TMEM132B: variants seen among roughly 807,000 people sequenced by gnomAD.
TMEM132B encodes the protein transmembrane protein 132B.
Under a neutral mutation model 90.8 loss-of-function variants are expected in TMEM132B, and 18 were observed. The ratio of observed to expected loss-of-function variants is 0.20; its 90% CI spans 0.14 to 0.29. The LOEUF is 0.29. Ranked by LOEUF, TMEM132B falls within the 10% of genes least tolerant of loss-of-function variation. The pLI, the probability that TMEM132B is intolerant of heterozygous loss-of-function variation, is 1.00. For missense variants in TMEM132B, 1,096 were observed against 1,326.8 expected (o/e 0.83, Z 2.70); for synonymous variants, 504 against 523.3 (o/e 0.96, Z 0.50).
At chr12:125,234,850 C>T (rs994023000) in intron 1 of TMEM132B, among the ~76,000 whole-genome samples, 1 of 152,104 alleles carries the variant, frequency 6.6e-6, no homozygotes, top group Non-Finnish European at 1.5e-5. Context: ...ATTCCAGTTG[C>T]TTTATCTTAG....
chr12:125,201,202 G>A (rs1234452298), intron 1 of TMEM132B, among the ~76,000 whole-genome samples: 4 of 152,142 alleles, frequency 2.6e-5, no homozygotes, highest in African/African-American at 7.2e-5. Context: ...GGGGGAGGAG[G>A]TGTCGGCCTT....
At chr12:125,491,011 GC>G (rs1882337023) in intron 3 of TMEM132B, among the ~76,000 whole-genome samples, 1 of 152,166 alleles carries the variant, frequency 6.6e-6, no homozygotes, top group Admixed American at 6.5e-5. Flanking sequence ...ATATGGGTGT[GC>G]CATCTTGGAA....
chr12:125,292,724 A>T (rs996590304), intron 1 of TMEM132B, among the ~76,000 whole-genome samples: 13 of 152,182 alleles, frequency 8.5e-5, no homozygotes, highest in African/African-American at 2.9e-4. Context: ...TGACAATCCA[A>T]ATTTATGTCA....
At chr12:125,337,187 A>G (rs1337206144) in intron 1 of TMEM132B, among the ~76,000 whole-genome samples, 1 of 152,150 alleles carries the variant, frequency 6.6e-6, no homozygotes, top group Non-Finnish European at 1.5e-5. Flanking sequence ...GTGCTATGCC[A>G]TTTGTTTCCA....
intron 1 of TMEM132B, among the ~76,000 whole-genome samples, chr12:125,321,180 T>A (rs1047346293): frequency 1.3e-5 from 2 of 152,244 alleles, no homozygotes; most frequent in Non-Finnish European, 2.9e-5. Flanking sequence ...TAGATTTTTC[T>A]GACTTTGGGG....
chr12:125,527,695 GCCACCCTTCCATCCACCCAT>G (rs1305582063), intron 4 of TMEM132B, among the ~76,000 whole-genome samples: 1 of 59,766 alleles, frequency 1.7e-5, no homozygotes, highest in Admixed American at 1.7e-4. Flanking sequence ...CAACCACCCA[GCCACCCTTCCATCCACCCAT>G]CCACCCTTCC....
chr12:125,532,245 G>T (rs555107746), intron 4 of TMEM132B, among the ~76,000 whole-genome samples: 33 of 152,204 alleles, frequency 2.2e-4, no homozygotes, highest in Non-Finnish European at 4.3e-4. Flanking sequence ...ATGGGTGGTT[G>T]TCAGTCAGAG....
At position 125,431,498 on chromosome 12, in the gene TMEM132B, C is replaced by T. The variant is rs368450815; in HGVS notation, c.1106+15821C>T. Among the ~76,000 whole-genome samples the T allele has an allele frequency of 1.1e-4, 17 of 152,178 alleles. No homozygotes were observed. The East Asian group carries it at 1.4e-3, about 12-fold the overall frequency. ...TGTCAGGAGAGTCTGGGATAAGGAC[C>T]GAGAAATCGTACTGAGCGACGTGCT... On this transcript the variant is annotated intron_variant, in intron 3 of 8. Coordinates refer to ENST00000682704, the MANE Select transcript of TMEM132B (RefSeq NM_001366854.1).
intron 3 of TMEM132B, among the ~76,000 whole-genome samples, chr12:125,473,182 G>C (rs959941333): frequency 1.1e-4 from 16 of 152,052 alleles, no homozygotes. Context: ...TCCCACCTCA[G>C]GGCCTTTGCA....
chr12:125,317,262 A>G (rs898424342), intron 1 of TMEM132B, among the ~76,000 whole-genome samples: 18 of 152,234 alleles, frequency 1.2e-4, no homozygotes, highest in African/African-American at 3.9e-4. Context: ...AAGCGATTGG[A>G]AGCACCTGGC....
chr12:125,405,654 C>T (rs1186804166), intron 2 of TMEM132B, among the ~76,000 whole-genome samples: 1 of 152,184 alleles, frequency 6.6e-6, no homozygotes, highest in African/African-American at 2.4e-5. Flanking sequence ...AGGACCCCTA[C>T]ACTCCATCCT....
At chr12:125,581,438 CTT>C (rs968979061) in intron 4 of TMEM132B, among the ~76,000 whole-genome samples, 13 of 152,162 alleles carry the variant, frequency 8.5e-5, no homozygotes, top group African/African-American at 2.4e-4. Flanking sequence ...AGCTCCTACT[CTT>C]GTCTGATTTT....
At chr12:125,527,488 C>T (rs1471399226) in intron 4 of TMEM132B, among the ~76,000 whole-genome samples, 1 of 144,768 alleles carries the variant, frequency 6.9e-6, no homozygotes, top group Non-Finnish European at 1.5e-5. Context: ...ATCCACCCTT[C>T]CAACCACCCA....
At chr12:125,622,223 G>C (rs1284757319) in intron 5 of TMEM132B, among the ~76,000 whole-genome samples, 1 of 152,140 alleles carries the variant, frequency 6.6e-6, no homozygotes, top group Non-Finnish European at 1.5e-5. Flanking sequence ...GGCCAATTGT[G>C]CTGAAAAATA....
intron 5 of TMEM132B, among the ~76,000 whole-genome samples, chr12:125,632,823 A>G (rs562074076): frequency 1.4e-4 from 22 of 151,862 alleles, no homozygotes; most frequent in Admixed American, 1.4e-3. Context: ...TTTAGGATCT[A>G]TTCTTTATCT....
intron 1 of TMEM132B, among the ~76,000 whole-genome samples, chr12:125,283,227 T>G (rs573739770): frequency 6.6e-6 from 1 of 152,330 alleles, no homozygotes; most frequent in South Asian, 2.1e-4. Flanking sequence ...TGCTTTGTGG[T>G]TCTGGATTCG....
At chr12:125,427,276 A>C (rs1287261793) in intron 3 of TMEM132B, among the ~76,000 whole-genome samples, 2 of 152,154 alleles carry the variant, frequency 1.3e-5, no homozygotes, top group Non-Finnish European at 2.9e-5. Context: ...TTTATTGGGC[A>C]CTACTGTGTG....
In TMEM132B at chr12:125,655,372, G is replaced by C. The variant is rs528079194; in HGVS notation, c.*662G>C. ...GGATGTCAGGTTTTTCCAGTTTTCT[G>C]CACTTCATCATCTAGGGATGGTATC... On this transcript the variant is annotated 3_prime_UTR_variant, in exon 9 of 9. Transcript: ENST00000682704. 4.6e-5 allele frequency: 7 copies of C among 152,280 alleles called. No homozygotes were observed. Among genetic ancestry groups the C allele is most frequent in the African/African-American group, 1.4e-4 (6 of 41,534 alleles). The allele number at this position is 152,280 out of a possible 1,614,324, so 9.4% of individuals were successfully genotyped here.
intron 2 of TMEM132B, among the ~76,000 whole-genome samples, chr12:125,392,720 A>G (rs1218420166): frequency 6.6e-6 from 1 of 152,170 alleles, no homozygotes; most frequent in Admixed American, 6.5e-5. Flanking sequence ...ACCAATAACC[A>G]CAAGACCACT....
Sources: gnomAD v4.1 joint callset for allele counts (sites outside exome capture counted in the v4.1 genomes callset) on GRCh38, gnomAD v4.1.1 for gene constraint, MANE v1.5 for transcripts, NCBI Gene and HGNC (gene_info 2026-07-23, HGNC 2026-07-21) for gene names.